FUT8: variants seen among roughly 807,000 people sequenced by gnomAD.
FUT8 encodes fucosyltransferase 8, also known as alpha-(1,6)-fucosyltransferase.
In FUT8, 29 loss-of-function variants were observed where a neutral mutation model predicts 71.3. The ratio of observed to expected loss-of-function variants is 0.41; its 90% CI spans 0.30 to 0.55. The LOEUF (loss-of-function observed/expected upper bound fraction) is 0.55. Among genes scored for constraint, FUT8 ranks in the 20% least tolerant of loss-of-function variants. FUT8 has a pLI of 0.34. For synonymous variants in FUT8, 254 were observed against 239.3 expected (o/e 1.06, Z -0.57); for missense variants, 544 against 702.1 (o/e 0.77, Z 2.55).
intron 2 of FUT8, among the ~76,000 whole-genome samples, chr14:65,542,191 C>G (rs1199688768): frequency 2.6e-5 from 4 of 152,118 alleles, no homozygotes; most frequent in Non-Finnish European, 4.4e-5. Flanking sequence ...AATGAGAGAC[C>G]AGCGTAATAG....
At chr14:65,383,250 T>C in the FUT8 span, among the ~76,000 whole-genome samples, 1 of 147,632 alleles carries the variant, frequency 6.8e-6, no homozygotes, top group Non-Finnish European at 1.5e-5. Context: ...TTGGATTCTT[T>C]TTTCTTTTTC....
At chr14:65,590,029 T>C (rs1353135548) in intron 3 of FUT8, among the ~76,000 whole-genome samples, 1 of 152,144 alleles carries the variant, frequency 6.6e-6, no homozygotes, top group Non-Finnish European at 1.5e-5. Flanking sequence ...TTCAAAGATA[T>C]CCTCCCTATC....
intron 2 of FUT8, among the ~76,000 whole-genome samples, chr14:65,465,274 A>G (rs2066025944): frequency 6.6e-6 from 1 of 152,176 alleles, no homozygotes; most frequent in Non-Finnish European, 1.5e-5. Context: ...TTTTTAACAT[A>G]TACATTCAAT....
intron 7 of FUT8, among the ~76,000 whole-genome samples, chr14:65,693,187 A>T (rs1412104943): frequency 6.6e-6 from 1 of 152,238 alleles, no homozygotes; most frequent in African/African-American, 2.4e-5. Context: ...GCGAGCCGAG[A>T]TCACGCCACT....
intron 6 of FUT8, among the ~76,000 whole-genome samples, chr14:65,667,286 CCCAAAAGCTCCTAGATCTGA>C (rs1352693828): frequency 6.6e-6 from 1 of 152,116 alleles, no homozygotes; most frequent in Non-Finnish European, 1.5e-5. Context: ...ATATTCCCTA[CCCAAAAGCTCCTAGATCTGA>C]CAAACAACTT....
At chr14:65,581,923 C>T (rs988315859) in intron 3 of FUT8, among the ~76,000 whole-genome samples, 1 of 152,168 alleles carries the variant, frequency 6.6e-6, no homozygotes, top group Non-Finnish European at 1.5e-5. Flanking sequence ...GAAAGATACA[C>T]ATTGACATTT....
At chr14:65,524,200 C>T (rs946690835) in intron 2 of FUT8, among the ~76,000 whole-genome samples, 1 of 152,128 alleles carries the variant, frequency 6.6e-6, no homozygotes, top group African/African-American at 2.4e-5. Context: ...TCTTCCTATC[C>T]GTGAGCATGG....
At chr14:65,531,849 C>A (rs1172373961) in intron 2 of FUT8, among the ~76,000 whole-genome samples, 1 of 152,164 alleles carries the variant, frequency 6.6e-6, no homozygotes, top group Non-Finnish European at 1.5e-5. Context: ...TTAGCTCCCA[C>A]TTATAAGTGA....
chr14:65,589,441 CTTTTTTTTT>C (rs35606286), intron 3 of FUT8, among the ~76,000 whole-genome samples: 1 of 109,956 alleles, frequency 9.1e-6, no homozygotes, highest in African/African-American at 3.6e-5. Flanking sequence ...TGCCTTAAAT[CTTTTTTTTT>C]TTTTTTTTTT....
At chr14:65,717,528 G>A (rs1717861581) in intron 7 of FUT8, among the ~76,000 whole-genome samples, 1 of 120,822 alleles carries the variant, frequency 8.3e-6, no homozygotes. Flanking sequence ...ACGAAGGGCG[G>A]CCGGGCAGAG....
At chr14:65,632,836 T>G (rs1890261911) in intron 6 of FUT8, among the ~76,000 whole-genome samples, 1 of 152,206 alleles carries the variant, frequency 6.6e-6, no homozygotes, top group Admixed American at 6.5e-5. Context: ...CTTCTAGAAT[T>G]TATATAGTTT....
chr14:65,395,007 G>A, the FUT8 span, among the ~76,000 whole-genome samples: 4 of 152,204 alleles, frequency 2.6e-5, no homozygotes, highest in African/African-American at 9.6e-5. Flanking sequence ...CTCCCAGAGT[G>A]CTGGGATTAC....
At chr14:65,538,339 T>C (rs959153777) in intron 2 of FUT8, among the ~76,000 whole-genome samples, 1 of 152,214 alleles carries the variant, frequency 6.6e-6, no homozygotes, top group Non-Finnish European at 1.5e-5. Flanking sequence ...GGACCAATAA[T>C]GAGCCTTAGT....
intron 2 of FUT8, among the ~76,000 whole-genome samples, chr14:65,527,976 A>T (rs1220046360): frequency 2.0e-5 from 3 of 152,160 alleles, no homozygotes; most frequent in Non-Finnish European, 4.4e-5. Flanking sequence ...GGTGCCTCCC[A>T]GTTAGGCTAC....
At chr14:65,422,311 A>G (rs1004498395) in intron 1 of FUT8, among the ~76,000 whole-genome samples, 7 of 152,090 alleles carry the variant, frequency 4.6e-5, no homozygotes, top group African/African-American at 1.4e-4. Flanking sequence ...CATTATAGAT[A>G]AGGGCAGTTC....
intron 2 of FUT8, among the ~76,000 whole-genome samples, chr14:65,503,823 T>C (rs1035152224): frequency 1.3e-5 from 2 of 152,210 alleles, no homozygotes; most frequent in Non-Finnish European, 2.9e-5. Context: ...AAATGGAAGT[T>C]AAGGATTCAG....
intron 2 of FUT8, among the ~76,000 whole-genome samples, chr14:65,512,920 A>AAAG (rs1055979659): frequency 2.0e-5 from 3 of 151,450 alleles, no homozygotes; most frequent in African/African-American, 7.3e-5. Context: ...AAAAAAAAAA[A>AAAG]AAAAAGAAAA....
intron 2 of FUT8, chr14:65,488,641 CT>C (rs2066442514): frequency 6.6e-6 from 1 of 152,326 alleles, no homozygotes; most frequent in South Asian, 2.1e-4. Context: ...TCTTTATCCT[CT>C]TTAAATATGT....
At chr14:65,710,080 A>G (rs1192301202) in intron 7 of FUT8, among the ~76,000 whole-genome samples, 1 of 152,222 alleles carries the variant, frequency 6.6e-6, no homozygotes, top group African/African-American at 2.4e-5. Flanking sequence ...AAACCTCACT[A>G]ATAATCTCCC....
Sources: allele counts gnomAD v4.1 joint callset (sites outside exome capture counted in the v4.1 genomes callset), GRCh38; gene constraint gnomAD v4.1.1; transcripts MANE v1.5; gene names NCBI Gene and HGNC (gene_info 2026-07-23, HGNC 2026-07-21).